Variants in VWDE observed in about 807,000 individuals in gnomAD.
The protein encoded by VWDE is von Willebrand factor D and EGF domains, also known as von Willebrand factor D and EGF domain-containing protein.
Under a neutral mutation model 178.4 loss-of-function variants are expected in VWDE, and 207 were observed. That is an observed-to-expected ratio of 1.16 (90% CI 1.04 to 1.30). The LOEUF is 1.30. VWDE is among the 50% of genes most tolerant of loss of function. VWDE has a pLI of 0.00. For synonymous variants in VWDE, 738 were observed against 651.4 expected, an observed-to-expected ratio of 1.13 and a Z score of -2.02; for missense variants, 2,287 against 1,901.3, an observed-to-expected ratio of 1.20 and a Z score of -3.77.
Position 12,371,159 on chromosome 7 carries a change from C to A in VWDE, c.1588-295G>T, listed in dbSNP as rs534641418. Among the ~76,000 whole-genome samples, 11 of 152,140 alleles carry A rather than the reference C, an allele frequency of 7.2e-5. No homozygotes were observed. The South Asian group carries it at 2.1e-3, about 29-fold the overall frequency. ...AATAAGATAATTTATACAATTAATA[C>A]ATTACAAATATTGAGGAGGATGTTT... On this transcript the variant is annotated intron_variant, in intron 10 of 28. Transcript: ENST00000275358.
intron 3 of VWDE, among the ~76,000 whole-genome samples, chr7:12,387,996 C>T (rs1175170061): frequency 6.6e-6 from 1 of 152,114 alleles, no homozygotes; most frequent in Non-Finnish European, 1.5e-5. Flanking sequence ...CTTAGGAGTG[C>T]ACTCTCAAAT....
rs138038861 is a variant in VWDE at position 12,383,764 on chromosome 7, A to G, written c.476-163T>C. 4.8e-3 allele frequency among the ~76,000 whole-genome samples: 737 copies of G among 152,298 alleles called. 12 individuals carry two copies. Among genetic ancestry groups the G allele is most frequent in the African/African-American group, 0.017 (704 of 41,566 alleles). On this transcript the variant is annotated intron_variant, in intron 3 of 28. Transcript: ENST00000275358. ...TTTTTTTCCTTTTAAGGGTGAGATC[A>G]AATGAAAAGATAAGGCATCATATTT... is the stretch of plus-strand genomic sequence containing the variant.
At chr7:12,363,053 T>C (rs904570998) in intron 13 of VWDE, among the ~76,000 whole-genome samples, 2 of 152,142 alleles carry the variant, frequency 1.3e-5, no homozygotes, top group Admixed American at 6.6e-5. Flanking sequence ...GTATATATTA[T>C]GTGCTGAAAA....
At chr7:12,397,038 T>C (rs1583359300) in intron 1 of VWDE, among the ~76,000 whole-genome samples, 1 of 152,136 alleles carries the variant, frequency 6.6e-6, no homozygotes, top group South Asian at 2.1e-4. Flanking sequence ...ACTACCAATG[T>C]TGTTTTTTAC....
In VWDE at chr7:12,356,257, C is replaced by G; in HGVS notation, c.3599G>C (p.Gly1200Ala). Reference sequence around the variant, plus strand: ...AGGCAAGCAGACACACAGGTACACTCCACTCCCTGGAGAAAAGTTCCTATC... The same window carrying G: ...AGGCAAGCAGACACACAGGTACACTGCACTCCCTGGAGAAAAGTTCCTATC... ...VSDRNFSPGSGVYLCVCLPGF... is the reference protein window; with the variant it reads ...VSDRNFSPGSAVYLCVCLPGF... The change falls in exon 18 of 29, where the codon GGA becomes GCA. Residue 1200 changes from glycine to alanine, a missense_variant. Transcript: ENST00000275358. 1 of 1,551,590 alleles carries G rather than the reference C, an allele frequency of 6.4e-7. No individual in the cohort carries two copies. The highest frequency in any genetic ancestry group is 8.7e-7 in the Non-Finnish European group (1 of 1,146,984).
Position 12,357,592 on chromosome 7 carries a change from G to C in VWDE, c.3275-77C>G. ...GTGTACTTCTGAGAGCTCCCACAGA[G>C]ATATGCATTTTGATAAAGACTGAAC... On this transcript the variant is annotated intron_variant, in intron 16 of 28. Transcript: ENST00000275358. 5 of 1,457,712 alleles carry C rather than the reference G, an allele frequency of 3.4e-6. No homozygotes were observed. In the South Asian group the frequency reaches 6.7e-5, roughly 20 times the overall value. 90.3% of individuals were successfully genotyped at this position (1,457,712 alleles called of 1,614,324 possible). A position where few individuals can be genotyped will look rare whatever the true frequency, so the allele number is the denominator to read the frequency against.
At chr7:12,399,333 G>C (rs184863993) in intron 1 of VWDE, among the ~76,000 whole-genome samples, 15 of 152,310 alleles carry the variant, frequency 9.8e-5, no homozygotes, top group African/African-American at 2.9e-4. Flanking sequence ...CCAGAGACAA[G>C]AGGGACACTT....
intron 28 of VWDE, among the ~76,000 whole-genome samples, chr7:12,332,070 G>C (rs1045809699): frequency 1.3e-5 from 2 of 152,158 alleles, no homozygotes; most frequent in Admixed American, 6.6e-5. Flanking sequence ...GGGAGCAAGG[G>C]ATGGAGTTGG....
chr7:12,347,983 C>T (rs1781706146), intron 19 of VWDE, among the ~76,000 whole-genome samples: 1 of 152,074 alleles, frequency 6.6e-6, no homozygotes, highest in South Asian at 2.1e-4. Flanking sequence ...AAAGGATTCC[C>T]TACTTAATAA....
intron 18 of VWDE, chr7:12,354,258 AT>A (rs1385233682): frequency 1.4e-5 from 5 of 351,404 alleles, no homozygotes; most frequent in African/African-American, 1.1e-4. Context: ...TTTACACTAA[AT>A]AAATACATGA....
chr7:12,365,067 G>A (rs879904504), intron 13 of VWDE, among the ~76,000 whole-genome samples: 1 of 151,940 alleles, frequency 6.6e-6, no homozygotes, highest in Non-Finnish European at 1.5e-5. Context: ...GAAAGATGGA[G>A]CACCGTCACA....
Sources: allele counts gnomAD v4.1 joint callset (sites outside exome capture counted in the v4.1 genomes callset), GRCh38; gene constraint gnomAD v4.1.1; transcripts MANE v1.5; gene names NCBI Gene and HGNC (gene_info 2026-07-23, HGNC 2026-07-21).